The following ELAPOR2 variants were observed in gnomAD, a reference collection of about 807,000 sequenced individuals.
ELAPOR2 encodes the protein endosome/lysosome-associated apoptosis and autophagy regulator family member 2.
ELAPOR2 carries 89 observed loss-of-function variants against 120.7 expected under a neutral mutation model. The ratio of observed to expected loss-of-function variants is 0.74; its 90% CI spans 0.62 to 0.88. The LOEUF (loss-of-function observed/expected upper bound fraction) is 0.88, where lower values mean the gene tolerates loss of function less well. ELAPOR2 is among the 40% of genes least tolerant of loss of function. ELAPOR2 has a pLI of 0.00. For missense variants in ELAPOR2, 1,134 were observed against 1,251.6 expected, an observed-to-expected ratio of 0.91 and a Z score of 1.42; for synonymous variants, 444 against 444.9, an observed-to-expected ratio of 1.00 and a Z score of 0.03.
At position 87,033,839 on chromosome 7, in the gene ELAPOR2, T is replaced by C. The variant is rs551443745; in HGVS notation, c.189+25486A>G. Among the ~76,000 whole-genome samples, 5 of 152,092 alleles carry C rather than the reference T, an allele frequency of 3.3e-5. No homozygotes were observed. The South Asian group carries it at 1.0e-3, about 32-fold the overall frequency. The stretch of plus-strand genomic sequence containing the variant: ...ATTGAATAAATGTGCATATATATAA[T>C]ATAGCACATATTATATATAAAACAA... On this transcript the variant is annotated intron_variant, in intron 1 of 21. Transcript: ENST00000450689.
chr7:86,970,026 A>T (rs1427511750), intron 1 of ELAPOR2, among the ~76,000 whole-genome samples: 2 of 152,196 alleles, frequency 1.3e-5, no homozygotes, highest in East Asian at 3.8e-4. Flanking sequence ...GTGCAGTGAA[A>T]TACATCAGCC....
At chr7:86,989,188 G>A (rs1055540295) in intron 1 of ELAPOR2, among the ~76,000 whole-genome samples, 21 of 152,186 alleles carry the variant, frequency 1.4e-4, no homozygotes, top group African/African-American at 4.8e-4. Flanking sequence ...TTTTAAAGAT[G>A]CAATTTTAAT....
intron 1 of ELAPOR2, among the ~76,000 whole-genome samples, chr7:87,038,922 T>C (rs1370427079): frequency 6.7e-6 from 1 of 149,818 alleles, no homozygotes; most frequent in Non-Finnish European, 1.5e-5. Flanking sequence ...TAATAGAAAA[T>C]AATAAAAATC....
chr7:86,953,675 T>C (rs945696701), intron 2 of ELAPOR2, among the ~76,000 whole-genome samples: 1 of 152,220 alleles, frequency 6.6e-6, no homozygotes. Flanking sequence ...TGAACATGAA[T>C]TTACCGTATT....
At chr7:87,049,289 T>A (rs1192787275) in intron 1 of ELAPOR2, among the ~76,000 whole-genome samples, 3 of 49,994 alleles carry the variant, frequency 6.0e-5, no homozygotes, top group African/African-American at 1.5e-4. Context: ...TTTATTTATT[T>A]ATTTTTTTTT....
intron 2 of ELAPOR2, among the ~76,000 whole-genome samples, chr7:86,962,781 C>G (rs1262339876): frequency 1.3e-5 from 2 of 152,148 alleles, no homozygotes; most frequent in African/African-American, 4.8e-5. Context: ...GGCACATAAT[C>G]AGTACTTGAG....
intron 1 of ELAPOR2, among the ~76,000 whole-genome samples, chr7:87,041,438 A>C (rs1288841107): frequency 6.6e-6 from 1 of 152,080 alleles, no homozygotes; most frequent in Non-Finnish European, 1.5e-5. Context: ...TACGAGCCAG[A>C]AGAGAGTGGG....
At chr7:86,925,439 C>T in intron 10 of ELAPOR2, 89 bp downstream of exon 10, 1 of 1,334,554 alleles carries the variant, frequency 7.5e-7, no homozygotes, top group South Asian at 1.2e-5. Context: ...TCCTCATACC[C>T]ATACTTGGTA....
chr7:87,042,598 T>C (rs966802201), intron 1 of ELAPOR2, among the ~76,000 whole-genome samples: 39 of 151,662 alleles, frequency 2.6e-4, no homozygotes, highest in East Asian at 1.4e-3. Flanking sequence ...ATCTCTGGGA[T>C]GCATTCAAAG....
chr7:86,891,919 A>T, intron 20 of ELAPOR2, 30 bp from the exon 21 acceptor site: 1 of 1,356,420 alleles, frequency 7.4e-7, no homozygotes, highest in Non-Finnish European at 1.0e-6. Flanking sequence ...ATAAACAAAT[A>T]AGTATCCATT....
chr7:86,965,138 A>T, intron 1 of ELAPOR2, 114 bp from the exon 2 acceptor site: 1 of 1,062,464 alleles, frequency 9.4e-7, no homozygotes, highest in Non-Finnish European at 1.4e-6. Flanking sequence ...CTTGATTCTT[A>T]TCCCTCCCCC....
chr7:86,922,053 T>C (rs1789857450), intron 10 of ELAPOR2, among the ~76,000 whole-genome samples: 2 of 152,132 alleles, frequency 1.3e-5, no homozygotes. Context: ...AAGATTTTTT[T>C]TTCCTATCAA....
At chr7:87,011,657 C>T (rs963118646) in intron 1 of ELAPOR2, among the ~76,000 whole-genome samples, 1 of 152,162 alleles carries the variant, frequency 6.6e-6, no homozygotes, top group Admixed American at 6.5e-5. Context: ...GGAGCTTTCA[C>T]AGAAGCACAT....
At position 87,016,798 on chromosome 7, in the gene ELAPOR2, A is replaced by G. The variant is rs112336810; in HGVS notation, c.189+42527T>C. Among the ~76,000 whole-genome samples the G allele has an allele frequency of 1.3e-5, 2 of 152,080 alleles. 1 individual carries two copies. The highest frequency in any genetic ancestry group is 4.8e-5 in the African/African-American group (2 of 41,518). ...GGAAAAGGAAAAGGTAAAAGTTGAT[A>G]ACAAGGTGAGTCATCATCAGCAAAC... is the stretch of plus-strand genomic sequence containing the variant. On this transcript the variant is annotated intron_variant, in intron 1 of 21. Transcript: ENST00000450689.
chr7:86,949,452 G>C (rs1006558376), intron 2 of ELAPOR2, among the ~76,000 whole-genome samples: 1 of 152,180 alleles, frequency 6.6e-6, no homozygotes, highest in African/African-American at 2.4e-5. Flanking sequence ...GGAGCCATTG[G>C]GGCGGGAGGA....
At chr7:87,043,475 A>G (rs372993004) in intron 1 of ELAPOR2, among the ~76,000 whole-genome samples, 16 of 151,922 alleles carry the variant, frequency 1.1e-4, no homozygotes, top group African/African-American at 1.9e-4. Context: ...ATCAATAAAT[A>G]TAATCCAGCA....
intron 12 of ELAPOR2, among the ~76,000 whole-genome samples, chr7:86,917,508 G>C (rs994332028): frequency 1.3e-5 from 2 of 152,166 alleles, no homozygotes; most frequent in Admixed American, 1.3e-4. Context: ...ATCCTGTTAA[G>C]AGATAATATT....
intron 18 of ELAPOR2, among the ~76,000 whole-genome samples, chr7:86,905,312 C>T (rs1788959607): frequency 6.8e-6 from 1 of 147,992 alleles, no homozygotes; most frequent in Admixed American, 6.7e-5. Flanking sequence ...ATTTATTCAA[C>T]CTCACTGCTA....
chr7:87,050,163 A>G (rs1260864674), intron 1 of ELAPOR2, among the ~76,000 whole-genome samples: 1 of 152,174 alleles, frequency 6.6e-6, no homozygotes, highest in African/African-American at 2.4e-5. Context: ...ATAAACTAAA[A>G]GAGGGAGAGT....
Sources: gnomAD v4.1 joint callset for allele counts (sites outside exome capture counted in the v4.1 genomes callset) on GRCh38, gnomAD v4.1.1 for gene constraint, MANE v1.5 for transcripts, NCBI Gene and HGNC (gene_info 2026-07-23, HGNC 2026-07-21) for gene names.